The following PHACTR4 variants were observed in gnomAD, a reference collection of about 807,000 sequenced individuals.
The protein encoded by PHACTR4 is phosphatase and actin regulator 4.
A neutral mutation model predicts 72.7 loss-of-function variants in PHACTR4; 51 were observed. The observed-to-expected ratio is 0.70, with a 90% confidence interval of 0.56 to 0.89. The LOEUF (loss-of-function observed/expected upper bound fraction) is 0.89, where lower values mean the gene tolerates loss of function less well. Among genes scored for constraint, PHACTR4 ranks in the 40% least tolerant of loss-of-function variants. The probability of loss-of-function intolerance (pLI) is 0.00; values close to 1 mark genes in which losing one functional copy is unlikely to be tolerated. For missense variants in PHACTR4, 731 were observed against 861.8 expected (o/e 0.85, Z 1.90); for synonymous variants, 255 against 302.5 (o/e 0.84, Z 1.63).
chr1:28,483,798 CAAA>C (rs991081654), intron 9 of PHACTR4, among the ~76,000 whole-genome samples: 20 of 71,000 alleles, frequency 2.8e-4, no homozygotes, highest in African/African-American at 6.0e-4. Flanking sequence ...GACTCCGTCT[CAAA>C]AAAAAAAAAA....
At chr1:28,380,157 C>T (rs978972465) in intron 1 of PHACTR4, among the ~76,000 whole-genome samples, 6 of 146,040 alleles carry the variant, frequency 4.1e-5, no homozygotes, top group East Asian at 4.0e-4. Flanking sequence ...CCCAGGTTCA[C>T]GCCATTCTCC....
intron 2 of PHACTR4, among the ~76,000 whole-genome samples, chr1:28,433,623 A>G (rs1392068817): frequency 6.6e-6 from 1 of 151,030 alleles, no homozygotes; most frequent in Non-Finnish European, 1.5e-5. Flanking sequence ...ACACCCGGCT[A>G]CTTTTTGTAT....
chr1:28,430,676 G>T (rs763433884), intron 2 of PHACTR4, among the ~76,000 whole-genome samples: 4 of 152,166 alleles, frequency 2.6e-5, no homozygotes, highest in African/African-American at 4.8e-5. Context: ...AGAGGAAAGT[G>T]ACTTCTTCCT....
intron 2 of PHACTR4, among the ~76,000 whole-genome samples, chr1:28,447,157 G>A (rs1279751658): frequency 6.6e-6 from 1 of 151,676 alleles, no homozygotes; most frequent in Non-Finnish European, 1.5e-5. Context: ...GACTACAGGC[G>A]CGTGCCACCA....
At position 28,497,686 on chromosome 1, in the gene PHACTR4, C is replaced by CAAAAAA. The variant is rs569598420; in HGVS notation, c.*1151_*1156dup. On this transcript the variant is annotated 3_prime_UTR_variant, in exon 14 of 14. Coordinates refer to ENST00000373839, the MANE Select transcript of PHACTR4 (RefSeq NM_001048183.3). ...AATAAATCCCCTTATTCCTTCCTTG[C>CAAAAAA]AAAAAAAAAAAAAAAAAAAGCCTTA... 1 of 68,564 alleles carries CAAAAAA rather than the reference C, an allele frequency of 1.5e-5. No individual in the cohort carries two copies. The highest frequency in any genetic ancestry group is 4.1e-5 in the African/African-American group (1 of 24,400). 4.2% of individuals were successfully genotyped at this position (68,564 alleles called of 1,614,324 possible). A position where few individuals can be genotyped will look rare whatever the true frequency, so the allele number is the denominator to read the frequency against.
chr1:28,494,379 A>G (rs1235943955), intron 13 of PHACTR4: 1 of 151,962 alleles, frequency 6.6e-6, no homozygotes, highest in Non-Finnish European at 1.5e-5. Context: ...AGGTGCAGCC[A>G]GGCGCAGTGG....
chr1:28,466,242 G>A lies in PHACTR4; in HGVS notation c.437-140G>A. On this transcript the variant is annotated intron_variant, in intron 5 of 13. Coordinates refer to ENST00000373839, the MANE Select transcript of PHACTR4 (RefSeq NM_001048183.3). Reference sequence around the variant, plus strand: ...CATTTCTTAAGTATGGGGAGGTTGGGAGGCATTGAGAATGGTAACCTATAA... The same window carrying A: ...CATTTCTTAAGTATGGGGAGGTTGGAAGGCATTGAGAATGGTAACCTATAA... The A allele has an allele frequency of 3.3e-6, 3 of 908,836 alleles. No individual in the cohort carries two copies. In the South Asian group the frequency reaches 5.1e-5, roughly 15 times the overall value. 56.3% of individuals were successfully genotyped at this position (908,836 alleles called of 1,614,324 possible).
chr1:28,384,716 A>G (rs11247796), intron 1 of PHACTR4, among the ~76,000 whole-genome samples: 58,512 of 151,744 alleles, frequency 0.39, 12,976 homozygotes, highest in African/African-American at 0.6. Context: ...CCAACATGGC[A>G]AAACCCCATC....
At chr1:28,394,796 A>T (rs1351884889) in intron 1 of PHACTR4, among the ~76,000 whole-genome samples, 1 of 151,656 alleles carries the variant, frequency 6.6e-6, no homozygotes, top group African/African-American at 2.4e-5. Flanking sequence ...GGGTTTCTCC[A>T]TGTTGGTCAG....
chr1:28,394,598 CT>C (rs762426587), intron 1 of PHACTR4, among the ~76,000 whole-genome samples: 151 of 140,428 alleles, frequency 1.1e-3, no homozygotes, highest in Admixed American at 1.5e-3. Flanking sequence ...GCCATCTTTT[CT>C]TTTTTTTTTT....
chr1:28,413,679 C>T (rs1206313687), intron 2 of PHACTR4, among the ~76,000 whole-genome samples: 1 of 151,912 alleles, frequency 6.6e-6, no homozygotes, highest in Non-Finnish European at 1.5e-5. Context: ...TTATACTATC[C>T]TTTCATTCTT....
chr1:28,466,139 GCT>G (rs939620966), intron 5 of PHACTR4, among the ~76,000 whole-genome samples: 1 of 152,106 alleles, frequency 6.6e-6, no homozygotes, highest in African/African-American at 2.4e-5. Flanking sequence ...TTTTGTTGTG[GCT>G]CTCCTCCAGT....
chr1:28,427,086 G>A (rs111610098), intron 2 of PHACTR4, among the ~76,000 whole-genome samples: 69 of 152,224 alleles, frequency 4.5e-4, no homozygotes, highest in African/African-American at 1.7e-3. Context: ...CACAGTATTG[G>A]ACAGTACACA....
chr1:28,442,911 C>G (rs1363568353), intron 2 of PHACTR4, among the ~76,000 whole-genome samples: 1 of 152,132 alleles, frequency 6.6e-6, no homozygotes, highest in East Asian at 1.9e-4. Context: ...TATTCATCAT[C>G]TCCAACATGT....
intron 1 of PHACTR4, among the ~76,000 whole-genome samples, chr1:28,379,152 GC>G (rs1651932377): frequency 6.6e-6 from 1 of 152,004 alleles, no homozygotes; most frequent in Non-Finnish European, 1.5e-5. Flanking sequence ...ATGGGATTTC[GC>G]CACATTGCCT....
intron 1 of PHACTR4, among the ~76,000 whole-genome samples, chr1:28,388,401 A>G (rs138108501): frequency 9.3e-4 from 142 of 152,328 alleles, no homozygotes; most frequent in African/African-American, 3.2e-3. Context: ...GAATCCAGAA[A>G]TAAGTCCACG....
chr1:28,416,588 G>A (rs1037057014), intron 2 of PHACTR4, among the ~76,000 whole-genome samples: 4 of 152,206 alleles, frequency 2.6e-5, no homozygotes, highest in Non-Finnish European at 5.9e-5. Flanking sequence ...TATTGCCTGT[G>A]TCCTCTCACC....
chr1:28,411,849 A>G (rs773609775), intron 2 of PHACTR4, among the ~76,000 whole-genome samples: 3 of 149,828 alleles, frequency 2.0e-5, no homozygotes, highest in Non-Finnish European at 4.4e-5. Context: ...GAAACCACCC[A>G]AAAGAAAGAA....
chr1:28,421,625 AC>A (rs1249745512), intron 2 of PHACTR4, among the ~76,000 whole-genome samples: 2 of 152,154 alleles, frequency 1.3e-5, no homozygotes, highest in African/African-American at 4.8e-5. Flanking sequence ...ATGCTCTAAA[AC>A]GTAGGCCTGG....
Sources: gnomAD v4.1 joint callset for allele counts (sites outside exome capture counted in the v4.1 genomes callset) on GRCh38, gnomAD v4.1.1 for gene constraint, MANE v1.5 for transcripts, NCBI Gene and HGNC (gene_info 2026-07-23, HGNC 2026-07-21) for gene names.